Variants in FAM13A observed in about 807,000 individuals in gnomAD.
FAM13A encodes the protein family with sequence similarity 13 member A.
A neutral mutation model predicts 129.6 loss-of-function variants in FAM13A; 76 were observed. The observed-to-expected ratio is 0.59, with a 90% CI of 0.49 to 0.71. FAM13A has a LOEUF of 0.71. FAM13A is among the 30% of genes least tolerant of loss of function. FAM13A has a pLI of 0.00. For missense variants in FAM13A, 1,108 were observed against 1,249.3 expected (o/e 0.89, Z 1.70); for synonymous variants, 443 against 449.9 (o/e 0.98, Z 0.20).
At chr4:88,964,879 C>T (rs1412155207) in intron 4 of FAM13A, among the ~76,000 whole-genome samples, 1 of 152,124 alleles carries the variant, frequency 6.6e-6, no homozygotes, top group African/African-American at 2.4e-5. Context: ...TCGTCCGCCT[C>T]GGCCTCCCAA....
chr4:88,749,657 T>C, intron 16 of FAM13A, 114 bp downstream of exon 16: 2 of 1,079,916 alleles, frequency 1.9e-6, no homozygotes, highest in East Asian at 2.4e-5. Flanking sequence ...GCCTTTTTGT[T>C]GTAAGATTCC....
chr4:88,731,849 G>C (rs1737887157), intron 22 of FAM13A, 153 bp downstream of exon 22: 1 of 647,030 alleles, frequency 1.5e-6, no homozygotes, highest in Non-Finnish European at 2.5e-6. Context: ...TATAAAAAAA[G>C]AAATTTTTTA....
intron 4 of FAM13A, among the ~76,000 whole-genome samples, chr4:88,985,279 G>A (rs1207072106): frequency 1.3e-5 from 2 of 152,160 alleles, no homozygotes; most frequent in African/African-American, 4.8e-5. Flanking sequence ...GTTGCCTAGA[G>A]CCAGGTTGTT....
chr4:88,862,517 G>C (rs1017908534), intron 6 of FAM13A, among the ~76,000 whole-genome samples: 5 of 152,150 alleles, frequency 3.3e-5, no homozygotes, highest in African/African-American at 1.2e-4. Flanking sequence ...AGGCAACAAA[G>C]CATTTTATAA....
At chr4:89,052,260 T>TTTTTTTC (rs35430874) in intron 1 of FAM13A, among the ~76,000 whole-genome samples, 1 of 141,768 alleles carries the variant, frequency 7.1e-6, no homozygotes, top group Non-Finnish European at 1.5e-5. Context: ...CTTTCTTTTT[T>TTTTTTTC]TTTTTTCTTT....
At chr4:88,853,318 A>G (rs545881233) in intron 6 of FAM13A, among the ~76,000 whole-genome samples, 2 of 152,350 alleles carry the variant, frequency 1.3e-5, no homozygotes, top group African/African-American at 4.8e-5. Flanking sequence ...CATATGCGTT[A>G]CCTCACATAC....
chr4:88,736,422 A>T (rs2149411536), intron 21 of FAM13A: 1 of 152,296 alleles, frequency 6.6e-6, no homozygotes, highest in East Asian at 1.9e-4. Context: ...AGGGCCCCAT[A>T]TACTGAAATA....
intron 21 of FAM13A, among the ~76,000 whole-genome samples, chr4:88,733,614 C>T (rs377321170): frequency 6.6e-6 from 1 of 152,164 alleles, no homozygotes; most frequent in Non-Finnish European, 1.5e-5. Flanking sequence ...CTTCCCCTCC[C>T]CTGGATAAGG....
intron 4 of FAM13A, among the ~76,000 whole-genome samples, chr4:88,958,070 G>GA (rs34095133): frequency 0.017 from 2,445 of 144,906 alleles, 56 homozygotes; most frequent in African/African-American, 0.056. Flanking sequence ...GCGTCAGAGG[G>GA]AAAAAAAAAA....
intron 5 of FAM13A, chr4:88,937,811 G>A (rs1754079749): frequency 4.2e-6 from 2 of 475,212 alleles, no homozygotes; most frequent in African/African-American, 2.0e-5. Flanking sequence ...TAAAGGTGGT[G>A]CGGCCAGTTG....
chr4:88,775,427 T>C (rs1256577685), intron 11 of FAM13A, among the ~76,000 whole-genome samples: 1 of 152,084 alleles, frequency 6.6e-6, no homozygotes, highest in African/African-American at 2.4e-5. Context: ...GAATGGGGTC[T>C]GGGCATGGCA....
intron 5 of FAM13A, among the ~76,000 whole-genome samples, chr4:88,923,481 G>A (rs1217733866): frequency 6.6e-6 from 1 of 152,100 alleles, no homozygotes; most frequent in African/African-American, 2.4e-5. Context: ...ATGCAGAAAA[G>A]GCCTTTGACA....
intron 7 of FAM13A, among the ~76,000 whole-genome samples, chr4:88,813,611 G>C (rs1730089496): frequency 6.6e-6 from 1 of 152,124 alleles, no homozygotes; most frequent in Admixed American, 6.6e-5. Context: ...AGTTTTAACA[G>C]ACACATAATT....
At chr4:89,042,036 G>A (rs193126723) in intron 1 of FAM13A, among the ~76,000 whole-genome samples, 35 of 151,450 alleles carry the variant, frequency 2.3e-4, no homozygotes, top group Admixed American at 6.0e-4. Context: ...CAAAGTGCTC[G>A]GTTAAAACGT....
intron 4 of FAM13A, among the ~76,000 whole-genome samples, chr4:88,968,585 G>C (rs888773814): frequency 1.1e-4 from 16 of 152,068 alleles, no homozygotes; most frequent in African/African-American, 3.6e-4. Flanking sequence ...GATATACACT[G>C]TTCTTTCTTA....
intron 6 of FAM13A, among the ~76,000 whole-genome samples, chr4:88,878,053 G>T (rs1742861142): frequency 6.6e-6 from 1 of 152,042 alleles, no homozygotes; most frequent in Non-Finnish European, 1.5e-5. Context: ...CATTGGAAGG[G>T]CCGAGGCGGG....
rs1227531501 is a variant in FAM13A at position 88,726,564 on chromosome 4, AG to A, written c.*1968del. On this transcript the variant is annotated 3_prime_UTR_variant, in exon 24 of 24. Transcript: ENST00000264344. ...TAGTCTTAAACAAATGTGCTTTAAA[AG>A]CTAACTGGTAATGATCTGATTAATA... The A allele has an allele frequency of 2.6e-5, 4 of 152,668 alleles. No individual in the cohort carries two copies. Among genetic ancestry groups the A allele is most frequent in the African/African-American group, 9.6e-5 (4 of 41,468 alleles). The allele number at this position is 152,668 out of a possible 1,614,324, so 9.5% of individuals were successfully genotyped here.
intron 4 of FAM13A, among the ~76,000 whole-genome samples, chr4:88,985,150 C>G (rs1365273063): frequency 6.6e-6 from 1 of 152,076 alleles, no homozygotes; most frequent in East Asian, 1.9e-4. Context: ...AATGGATGAG[C>G]CTTGAAAACA....
Position 88,769,829 on chromosome 4 carries a change from C to CA in FAM13A, c.1459-1771dup, listed in dbSNP as rs541288736. On this transcript the variant is annotated intron_variant, in intron 11 of 23. Transcript: ENST00000264344. ...CTGGCGACAGAGCGAGACTCTGTCT[C>CA]AAAAAAAAAACCAAAAAACAAAAGT... is the stretch of plus-strand genomic sequence containing the variant. Among the ~76,000 whole-genome samples, 215 of 131,272 alleles carry CA rather than the reference C, an allele frequency of 1.6e-3. 1 individual carries two copies. Among genetic ancestry groups the CA allele is most frequent in the South Asian group, 4.6e-3 (19 of 4,118 alleles). 86.1% of individuals were successfully genotyped at this position (131,272 alleles called of 152,430 possible).
Sources: allele counts gnomAD v4.1 joint callset (sites outside exome capture counted in the v4.1 genomes callset), GRCh38; gene constraint gnomAD v4.1.1; transcripts MANE v1.5; gene names NCBI Gene and HGNC (gene_info 2026-07-23, HGNC 2026-07-21).